TG: variants seen among roughly 807,000 people sequenced by gnomAD.
The protein encoded by TG is thyroglobulin, also known as thyroid hormones.
TG carries 270 observed loss-of-function variants against 324.7 expected under a neutral mutation model. That is an observed-to-expected ratio of 0.83 (90% CI 0.75 to 0.92). The LOEUF (loss-of-function observed/expected upper bound fraction) is 0.92, where lower values mean the gene tolerates loss of function less well. TG is among the 40% of genes least tolerant of loss of function. The probability of loss-of-function intolerance (pLI) is 0.00; values close to 1 mark genes in which losing one functional copy is unlikely to be tolerated. For synonymous variants in TG, 1,401 were observed against 1,327.0 expected (o/e 1.06, Z -1.21); for missense variants, 3,591 against 3,456.4 (o/e 1.04, Z -0.98).
intron 20 of TG, 99 bp downstream of exon 20, chr8:132,913,364 G>T (rs1587377632): frequency 2.4e-6 from 3 of 1,243,922 alleles, no homozygotes; most frequent in Non-Finnish European, 3.5e-6. Flanking sequence ...GACATCCAGG[G>T]CTGAGAACCA....
chr8:132,873,605 C>T (rs945205339), intron 5 of TG, among the ~76,000 whole-genome samples: 2 of 152,046 alleles, frequency 1.3e-5, no homozygotes, highest in Non-Finnish European at 2.9e-5. Context: ...AAAAAGACTG[C>T]GTTAGAGCTG....
intron 1 of TG, 109 bp downstream of exon 1, chr8:132,867,176 C>A: frequency 1.0e-6 from 1 of 1,003,142 alleles, no homozygotes. Context: ...TTCACAAATT[C>A]CCACATGTCA....
At chr8:133,017,207 G>C (rs921519516) in intron 37 of TG, among the ~76,000 whole-genome samples, 1 of 151,560 alleles carries the variant, frequency 6.6e-6, no homozygotes, top group Non-Finnish European at 1.5e-5. Context: ...AGATGTAAAT[G>C]TGGGCCTGCA....
chr8:132,873,571 G>C (rs532054007), intron 5 of TG, among the ~76,000 whole-genome samples: 1 of 152,120 alleles, frequency 6.6e-6, no homozygotes, highest in Admixed American at 6.5e-5. Context: ...ATGTGAATCT[G>C]CCATAAATAT....
At chr8:133,003,182 C>A in intron 35 of TG, 1 of 246,368 alleles carries the variant, frequency 4.1e-6, no homozygotes, top group Non-Finnish European at 6.5e-6. Context: ...TAACTGATGT[C>A]TGGGAAGGAA....
chr8:132,894,124 C>T (rs1816758648), intron 11 of TG, among the ~76,000 whole-genome samples, 195 bp downstream of exon 11: 1 of 152,138 alleles, frequency 6.6e-6, no homozygotes, highest in Admixed American at 6.5e-5. Context: ...TAAAATGCTC[C>T]TTAATTCTCC....
intron 46 of TG, chr8:133,133,257 C>T: frequency 1.6e-6 from 1 of 634,972 alleles, no homozygotes; most frequent in Non-Finnish European, 2.8e-6. Context: ...CACCTTTCCT[C>T]ACCCAGAAAT....
At chr8:133,025,983 G>C (rs1325487604) in intron 40 of TG, among the ~76,000 whole-genome samples, 1 of 152,146 alleles carries the variant, frequency 6.6e-6, no homozygotes, top group Non-Finnish European at 1.5e-5. Context: ...GGCGTCTCAC[G>C]TGAGATGAAG....
chr8:133,086,046 G>T (rs773936891), intron 41 of TG, among the ~76,000 whole-genome samples: 32 of 152,192 alleles, frequency 2.1e-4, no homozygotes, highest in Non-Finnish European at 3.4e-4. Context: ...GCAGCGAAAA[G>T]ATATACACTA....
chr8:133,092,577 C>T (rs924616660), intron 41 of TG, among the ~76,000 whole-genome samples: 3 of 152,202 alleles, frequency 2.0e-5, no homozygotes, highest in African/African-American at 7.2e-5. Flanking sequence ...CTTCACCTAC[C>T]TGGCCTCATG....
intron 25 of TG, among the ~76,000 whole-genome samples, chr8:132,938,079 T>A (rs973434499): frequency 2.6e-5 from 4 of 152,136 alleles, no homozygotes; most frequent in African/African-American, 9.7e-5. Flanking sequence ...AGGAACAACT[T>A]CTTTATTTCA....
chr8:133,070,281 G>A (rs547822086), intron 41 of TG, among the ~76,000 whole-genome samples: 23 of 152,226 alleles, frequency 1.5e-4, no homozygotes, highest in African/African-American at 5.5e-4. Context: ...AGCACAGGCC[G>A]CATCCAGACA....
intron 34 of TG, 122 bp from the exon 35 acceptor site, chr8:132,983,228 C>A: frequency 9.8e-7 from 1 of 1,019,484 alleles, no homozygotes; most frequent in Non-Finnish European, 1.6e-6. Context: ...CAGGTTGGGA[C>A]AATCTGTCTG....
intron 34 of TG, among the ~76,000 whole-genome samples, chr8:132,976,379 A>G (rs1050975839): frequency 5.9e-5 from 9 of 152,322 alleles, no homozygotes; most frequent in Admixed American, 3.9e-4. Context: ...CATTAGTCCC[A>G]CCCATGAGGG....
At chr8:133,034,604 G>A (rs1240194092) in intron 41 of TG, among the ~76,000 whole-genome samples, 1 of 152,032 alleles carries the variant, frequency 6.6e-6, no homozygotes, top group Non-Finnish European at 1.5e-5. Context: ...ATTGATATAA[G>A]GAGGAGACCC....
At chr8:132,974,445 GT>G (rs1168509330) in intron 34 of TG, among the ~76,000 whole-genome samples, 2 of 152,320 alleles carry the variant, frequency 1.3e-5, no homozygotes, top group Non-Finnish European at 2.9e-5. Context: ...AGTAGGTATT[GT>G]TTTTTCCATT....
chr8:132,957,742 T>TACACACACAC (rs6150825), intron 27 of TG, among the ~76,000 whole-genome samples: 138 of 41,578 alleles, frequency 3.3e-3, no homozygotes, highest in African/African-American at 0.01. Context: ...CATGGTAAAC[T>TACACACACAC]ACACACACAC....
At chr8:133,055,611 A>T (rs1274862788) in intron 41 of TG, among the ~76,000 whole-genome samples, 2 of 152,132 alleles carry the variant, frequency 1.3e-5, no homozygotes, top group African/African-American at 4.8e-5. Context: ...GACAGATTGG[A>T]ACTAAACAGA....
intron 43 of TG, 92 bp downstream of exon 43, chr8:133,096,465 A>C: frequency 6.7e-7 from 1 of 1,483,490 alleles, no homozygotes; most frequent in Non-Finnish European, 9.4e-7. Context: ...GATATTGACC[A>C]ATTGCTGAGT....
Sources: gnomAD v4.1 joint callset for allele counts (sites outside exome capture counted in the v4.1 genomes callset) on GRCh38, gnomAD v4.1.1 for gene constraint, MANE v1.5 for transcripts, NCBI Gene and HGNC (gene_info 2026-07-23, HGNC 2026-07-21) for gene names.